Variants in RSRC1 observed in about 807,000 individuals in gnomAD.
RSRC1 encodes the protein arginine and serine rich coiled-coil 1.
RSRC1 carries 39 observed loss-of-function variants against 49.1 expected under a neutral mutation model. The observed-to-expected ratio is 0.79, with a 90% CI of 0.61 to 1.04. The LOEUF is 1.04. RSRC1 is among the 50% of genes least tolerant of loss of function. The pLI is 0.00. For synonymous variants in RSRC1, 143 were observed against 130.8 expected (o/e 1.09, Z -0.63); for missense variants, 388 against 402.4 (o/e 0.96, Z 0.31).
intron 3 of RSRC1, among the ~76,000 whole-genome samples, chr3:158,190,145 CTTTG>C (rs1379667998): frequency 1.3e-5 from 2 of 151,872 alleles, no homozygotes; most frequent in Admixed American, 1.3e-4. Flanking sequence ...ACTTGTCTTT[CTTTG>C]TTAGTGACTT....
chr3:158,201,477 G>T (rs187674776), intron 3 of RSRC1, among the ~76,000 whole-genome samples: 9 of 152,118 alleles, frequency 5.9e-5, no homozygotes, highest in African/African-American at 2.2e-4. Context: ...CTATTTCTGG[G>T]TTTAAATAAA....
chr3:158,237,302 T>TA (rs1280042502), intron 4 of RSRC1, among the ~76,000 whole-genome samples: 2 of 152,236 alleles, frequency 1.3e-5, no homozygotes, highest in Non-Finnish European at 2.9e-5. Flanking sequence ...TTTGAACACT[T>TA]ACATACATGT....
At chr3:158,381,387 C>A (rs7639867) in intron 6 of RSRC1, among the ~76,000 whole-genome samples, 79,425 of 152,038 alleles carry the variant, frequency 0.52, 21,146 homozygotes, top group African/African-American at 0.61. Flanking sequence ...TGAGCAGTCC[C>A]CCTCTCCAGA....
intron 3 of RSRC1, 137 bp from the exon 4 acceptor site, chr3:158,202,935 G>C (rs1200676193): frequency 1.3e-5 from 7 of 558,290 alleles, no homozygotes; most frequent in Middle Eastern, 5.0e-4. Flanking sequence ...ATATTCAGGT[G>C]CTTGCTTCAC....
At chr3:158,338,296 C>T (rs1368678547) in intron 5 of RSRC1, among the ~76,000 whole-genome samples, 2 of 151,222 alleles carry the variant, frequency 1.3e-5, no homozygotes, top group African/African-American at 4.9e-5. Context: ...GAATGGAAAA[C>T]ATGTTCTTGG....
At chr3:158,517,371 A>T (rs953391627) in intron 7 of RSRC1, among the ~76,000 whole-genome samples, 2 of 151,776 alleles carry the variant, frequency 1.3e-5, no homozygotes, top group Non-Finnish European at 2.9e-5. Context: ...ACTGACTGCA[A>T]CCCCCACTAA....
chr3:158,245,988 C>T (rs116699017), intron 4 of RSRC1, among the ~76,000 whole-genome samples: 2,437 of 152,136 alleles, frequency 0.016, 87 homozygotes, highest in African/African-American at 0.056. Flanking sequence ...GATTCTGTAT[C>T]CATCTTGCCA....
intron 7 of RSRC1, among the ~76,000 whole-genome samples, chr3:158,512,465 T>C (rs1187111007): frequency 6.6e-6 from 1 of 152,050 alleles, no homozygotes. Context: ...TTCTGTTCCA[T>C]TGATCTATAT....
At chr3:158,511,104 G>C (rs1740144874) in intron 7 of RSRC1, among the ~76,000 whole-genome samples, 1 of 135,714 alleles carries the variant, frequency 7.4e-6, no homozygotes, top group Non-Finnish European at 1.7e-5. Flanking sequence ...CACCTCATTT[G>C]TTGGTTTTTT....
intron 4 of RSRC1, among the ~76,000 whole-genome samples, chr3:158,260,694 C>A (rs1035599309): frequency 6.6e-6 from 1 of 152,186 alleles, no homozygotes; most frequent in East Asian, 1.9e-4. Flanking sequence ...GGACCCCAGG[C>A]TACTTTAGCC....
chr3:158,117,976 G>T (rs886954314), intron 1 of RSRC1, among the ~76,000 whole-genome samples: 1 of 150,758 alleles, frequency 6.6e-6, no homozygotes, highest in Non-Finnish European at 1.5e-5. Flanking sequence ...TTGAGGCTGG[G>T]TCTCGCTCTG....
intron 4 of RSRC1, among the ~76,000 whole-genome samples, chr3:158,276,636 T>C (rs1001828394): frequency 6.6e-6 from 1 of 152,196 alleles, no homozygotes; most frequent in Non-Finnish European, 1.5e-5. Flanking sequence ...ATAATCATTT[T>C]CTTTAGTTTT....
intron 6 of RSRC1, among the ~76,000 whole-genome samples, chr3:158,439,671 G>T (rs1463806138): frequency 2.0e-5 from 3 of 152,066 alleles, no homozygotes; most frequent in South Asian, 2.1e-4. Context: ...TTGTGGGGTG[G>T]GGGGCTAGGA....
chr3:158,473,656 G>A (rs1738242377), intron 7 of RSRC1, among the ~76,000 whole-genome samples: 1 of 151,524 alleles, frequency 6.6e-6, no homozygotes, highest in Non-Finnish European at 1.5e-5. Context: ...AGAACTTAAA[G>A]TATAATTTAA....
intron 7 of RSRC1, among the ~76,000 whole-genome samples, chr3:158,512,519 C>CT (rs1740247589): frequency 6.6e-6 from 1 of 152,130 alleles, no homozygotes; most frequent in Non-Finnish European, 1.5e-5. Context: ...TTACTGTAGC[C>CT]TTATAGTATA....
At chr3:158,391,411 T>A (rs575656996) in intron 6 of RSRC1, among the ~76,000 whole-genome samples, 1 of 152,258 alleles carries the variant, frequency 6.6e-6, no homozygotes, top group South Asian at 2.1e-4. Context: ...GGTTGAAAGT[T>A]TCCATATTGA....
chr3:158,237,943 T>C (rs1723333060), intron 4 of RSRC1, among the ~76,000 whole-genome samples: 1 of 152,152 alleles, frequency 6.6e-6, no homozygotes, highest in African/African-American at 2.4e-5. Context: ...GGGTTTGTCA[T>C]AAATAGCTCC....
intron 3 of RSRC1, among the ~76,000 whole-genome samples, chr3:158,187,443 C>G (rs1719994608): frequency 6.6e-6 from 1 of 151,964 alleles, no homozygotes; most frequent in African/African-American, 2.4e-5. Flanking sequence ...GCTTTGCATT[C>G]TCATAGCTCA....
At chr3:158,361,865 C>T (rs932629190) in intron 6 of RSRC1, among the ~76,000 whole-genome samples, 7 of 152,252 alleles carry the variant, frequency 4.6e-5, no homozygotes, top group Middle Eastern at 3.4e-3. Flanking sequence ...AACAAGATTT[C>T]CACATCTTTT....
Sources: gnomAD v4.1 joint callset for allele counts (sites outside exome capture counted in the v4.1 genomes callset) on GRCh38, gnomAD v4.1.1 for gene constraint, MANE v1.5 for transcripts, NCBI Gene and HGNC (gene_info 2026-07-23, HGNC 2026-07-21) for gene names.